DISP1: variants seen among roughly 807,000 people sequenced by gnomAD.
DISP1 encodes the protein dispatched RND transporter family member 1.
A neutral mutation model predicts 37.3 loss-of-function variants in DISP1; 30 were observed. The ratio of observed to expected loss-of-function variants is 0.80; its 90% confidence interval spans 0.60 to 1.09. The LOEUF (loss-of-function observed/expected upper bound fraction) is 1.09, where lower values mean the gene tolerates loss of function less well. Ranked by LOEUF, DISP1 falls within the 50% of genes least tolerant of loss-of-function variation. DISP1 has a pLI of 0.00. For synonymous variants in DISP1, 634 were observed against 690.2 expected (o/e 0.92, Z 1.28); for missense variants, 1,598 against 1,879.5 (o/e 0.85, Z 2.77).
At chr1:222,979,482 AAG>A (rs1238623752) in intron 3 of DISP1, 1 of 295,404 alleles carries the variant, frequency 3.4e-6, no homozygotes, top group Non-Finnish European at 7.3e-6. Flanking sequence ...TAACTCATGA[AAG>A]TACTGAAAAC....
chr1:222,941,141 C>T (rs932506375), intron 2 of DISP1, among the ~76,000 whole-genome samples: 5 of 152,146 alleles, frequency 3.3e-5, no homozygotes, highest in Admixed American at 1.3e-4. Context: ...TTAGTTCTTG[C>T]CTCCTGGATC....
chr1:222,846,050 C>G (rs1484768502), intron 1 of DISP1, among the ~76,000 whole-genome samples: 1 of 152,140 alleles, frequency 6.6e-6, no homozygotes, highest in Non-Finnish European at 1.5e-5. Flanking sequence ...AGATTTTCTT[C>G]TAGAAATTTT....
chr1:222,896,359 G>A (rs1180248502), intron 1 of DISP1, among the ~76,000 whole-genome samples: 1 of 151,946 alleles, frequency 6.6e-6, no homozygotes. Flanking sequence ...CCAGCACTTT[G>A]GGAGGCCAAA....
intron 3 of DISP1, among the ~76,000 whole-genome samples, chr1:222,955,269 A>G (rs1176745427): frequency 1.3e-5 from 2 of 151,890 alleles, no homozygotes; most frequent in East Asian, 1.9e-4. Flanking sequence ...TTATTTTAGT[A>G]GGACGGGATT....
At chr1:222,828,040 A>T (rs1041689975) in intron 1 of DISP1, among the ~76,000 whole-genome samples, 1 of 152,216 alleles carries the variant, frequency 6.6e-6, no homozygotes, top group African/African-American at 2.4e-5. Context: ...TTGTTTGAAG[A>T]CTGTACTAGG....
chr1:222,861,386 G>A (rs1220799351), intron 1 of DISP1, among the ~76,000 whole-genome samples: 1 of 152,200 alleles, frequency 6.6e-6, no homozygotes, highest in South Asian at 2.1e-4. Flanking sequence ...ATTCTGTGAA[G>A]TCGGGGATTG....
At chr1:222,829,114 C>G (rs905965263) in intron 1 of DISP1, among the ~76,000 whole-genome samples, 32 of 152,210 alleles carry the variant, frequency 2.1e-4, no homozygotes, top group African/African-American at 7.0e-4. Flanking sequence ...GAAAACTCCC[C>G]TTACTGAAGG....
chr1:222,895,897 A>G (rs1671223735), intron 1 of DISP1, among the ~76,000 whole-genome samples: 1 of 152,250 alleles, frequency 6.6e-6, no homozygotes, highest in Non-Finnish European at 1.5e-5. Context: ...TAGGAAAGGC[A>G]CAAAGATTTC....
intron 1 of DISP1, among the ~76,000 whole-genome samples, chr1:222,836,331 G>A (rs1278977827): frequency 1.3e-5 from 2 of 152,182 alleles, no homozygotes; most frequent in African/African-American, 4.8e-5. Context: ...ATGTACAGAA[G>A]TGGTAATGTG....
At chr1:222,852,180 A>AAAAT (rs200298241) in intron 1 of DISP1, among the ~76,000 whole-genome samples, 8 of 151,986 alleles carry the variant, frequency 5.3e-5, no homozygotes, top group Non-Finnish European at 7.4e-5. Flanking sequence ...CTCCAACTCA[A>AAAAT]AAATAAATAA....
chr1:222,990,892 G>GTCTTT, intron 5 of DISP1, 144 bp downstream of exon 5: 1 of 1,177,260 alleles, frequency 8.5e-7, no homozygotes, highest in Non-Finnish European at 1.2e-6. Context: ...GTAAAGACAT[G>GTCTTT]ACTTTATCTG....
chr1:222,961,126 GCAT>G (rs1175309287), intron 3 of DISP1, among the ~76,000 whole-genome samples: 1 of 152,134 alleles, frequency 6.6e-6, no homozygotes. Flanking sequence ...TATGAAGCCA[GCAT>G]CATCCTGATA....
At chr1:222,827,902 A>G (rs952811849) in intron 1 of DISP1, among the ~76,000 whole-genome samples, 12 of 152,188 alleles carry the variant, frequency 7.9e-5, no homozygotes, top group Admixed American at 5.2e-4. Flanking sequence ...GAAAAATTCT[A>G]TGTAATAGTT....
chr1:222,881,958 C>T (rs1467330246), intron 1 of DISP1, among the ~76,000 whole-genome samples: 2 of 151,942 alleles, frequency 1.3e-5, no homozygotes, highest in South Asian at 2.1e-4. Context: ...TGCATTGAAT[C>T]GAAACATTTA....
intron 2 of DISP1, among the ~76,000 whole-genome samples, chr1:222,937,511 A>G (rs1674041927): frequency 2.0e-5 from 3 of 152,322 alleles, no homozygotes; most frequent in South Asian, 4.1e-4. Flanking sequence ...TATATAGCCC[A>G]TTCTGGTTTT....
chr1:222,834,623 C>G (rs1266764863), intron 1 of DISP1, among the ~76,000 whole-genome samples: 1 of 152,072 alleles, frequency 6.6e-6, no homozygotes, highest in African/African-American at 2.4e-5. Flanking sequence ...AAAATGGTAC[C>G]TTGTTTATAT....
At chr1:222,986,340 A>G (rs1049320554) in intron 4 of DISP1, among the ~76,000 whole-genome samples, 1 of 152,220 alleles carries the variant, frequency 6.6e-6, no homozygotes, top group African/African-American at 2.4e-5. Flanking sequence ...AGGAAAATTT[A>G]TTATGGGGGA....
At chr1:222,844,623 G>A (rs1667794247) in intron 1 of DISP1, among the ~76,000 whole-genome samples, 1 of 152,072 alleles carries the variant, frequency 6.6e-6, no homozygotes, top group Non-Finnish European at 1.5e-5. Flanking sequence ...TAAATTTGCA[G>A]GAAAGGTATT....
At chr1:222,952,825 G>A (rs527832808) in intron 3 of DISP1, among the ~76,000 whole-genome samples, 102 of 152,180 alleles carry the variant, frequency 6.7e-4, no homozygotes, top group African/African-American at 2.4e-3. Flanking sequence ...CCAGCCTGGC[G>A]ACAGAGGGAG....
Sources: gnomAD v4.1 joint callset for allele counts (sites outside exome capture counted in the v4.1 genomes callset) on GRCh38, gnomAD v4.1.1 for gene constraint, MANE v1.5 for transcripts, NCBI Gene and HGNC (gene_info 2026-07-23, HGNC 2026-07-21) for gene names.